The following TAF2 variants were observed in gnomAD, a reference collection of about 807,000 sequenced individuals.
TAF2 encodes TATA-box binding protein associated factor 2.
In TAF2, 61 loss-of-function variants were observed where a neutral mutation model predicts 138.5. The ratio of observed to expected loss-of-function variants is 0.44; its 90% CI spans 0.36 to 0.54. TAF2 has a LOEUF of 0.54. TAF2 is among the 20% of genes least tolerant of loss of function. The pLI is 0.00. For synonymous variants in TAF2, 475 were observed against 469.9 expected (o/e 1.01, Z -0.14); for missense variants, 1,090 against 1,427.9 (o/e 0.76, Z 3.81).
At chr8:119,817,032 A>G (rs1418205030) in intron 3 of TAF2, among the ~76,000 whole-genome samples, 4 of 152,246 alleles carry the variant, frequency 2.6e-5, no homozygotes, top group East Asian at 1.9e-4. Flanking sequence ...TCTAAAGCTA[A>G]GCAAAAAAGC....
intron 18 of TAF2, among the ~76,000 whole-genome samples, chr8:119,769,083 G>C (rs1474476507): frequency 3.3e-5 from 5 of 152,124 alleles, no homozygotes; most frequent in Non-Finnish European, 7.4e-5. Context: ...ACCCCCGTCA[G>C]GGCTGAAACA....
At chr8:119,755,817 GAGTAA>G (rs879563937) in intron 22 of TAF2, among the ~76,000 whole-genome samples, 184 bp downstream of exon 22, 3 of 151,936 alleles carry the variant, frequency 2.0e-5, no homozygotes, top group Non-Finnish European at 4.4e-5. Flanking sequence ...CCACACTATG[GAGTAA>G]AGTGAGTATA....
chr8:119,808,426 T>C (rs1316706864), intron 3 of TAF2, among the ~76,000 whole-genome samples: 1 of 152,202 alleles, frequency 6.6e-6, no homozygotes, highest in Non-Finnish European at 1.5e-5. Flanking sequence ...TACTTCCTTC[T>C]CTAAACCCCT....
At chr8:119,774,615 G>A (rs944526563) in intron 18 of TAF2, among the ~76,000 whole-genome samples, 11 of 151,892 alleles carry the variant, frequency 7.2e-5, no homozygotes, top group African/African-American at 1.5e-4. Context: ...TGATTTACAC[G>A]GAGAAAATTT....
In TAF2 at chr8:119,832,362, G is replaced by A. The variant is rs181896119; in HGVS notation, c.83+120C>T. The A allele has an allele frequency of 5.4e-4, 466 of 860,026 alleles. 3 individuals carry two copies. In the African/African-American group the frequency reaches 6.0e-3, roughly 11 times the overall value. 53.3% of individuals were successfully genotyped at this position (860,026 alleles called of 1,614,324 possible). On this transcript the variant is annotated intron_variant, in intron 1 of 25. Coordinates refer to ENST00000378164, the MANE Select transcript of TAF2 (RefSeq NM_003184.4). Reference sequence around the variant, plus strand: ...TTACAAACACCATTTCCATCACAGTGAGTAAATTCTAGTTTCCCACTAGGT... The same window carrying A: ...TTACAAACACCATTTCCATCACAGTAAGTAAATTCTAGTTTCCCACTAGGT...
intron 5 of TAF2, among the ~76,000 whole-genome samples, chr8:119,803,276 C>G (rs1814053940): frequency 6.6e-6 from 1 of 152,098 alleles, no homozygotes; most frequent in Non-Finnish European, 1.5e-5. Flanking sequence ...GCTTTACATT[C>G]TGTGCAATTT....
At chr8:119,825,748 G>A (rs891243139) in intron 2 of TAF2, among the ~76,000 whole-genome samples, 2 of 152,040 alleles carry the variant, frequency 1.3e-5, no homozygotes, top group East Asian at 1.9e-4. Context: ...GCAGTGGTGC[G>A]ATCTTGGCTC....
At chr8:119,809,774 A>G (rs1824908785) in intron 3 of TAF2, among the ~76,000 whole-genome samples, 1 of 152,198 alleles carries the variant, frequency 6.6e-6, no homozygotes, top group East Asian at 1.9e-4. Flanking sequence ...ATTTAAGTTT[A>G]CCATCTTATA....
chr8:119,818,119 C>G (rs1043549157), intron 3 of TAF2, among the ~76,000 whole-genome samples: 2 of 152,144 alleles, frequency 1.3e-5, no homozygotes, highest in Non-Finnish European at 2.9e-5. Context: ...TAAAAATAAG[C>G]CTCCCTTCTA....
intron 18 of TAF2, among the ~76,000 whole-genome samples, chr8:119,765,895 T>C (rs577825365): frequency 1.3e-5 from 2 of 152,198 alleles, no homozygotes; most frequent in Non-Finnish European, 2.9e-5. Context: ...AACACGCTTT[T>C]TCTTAATAGA....
At chr8:119,792,660 T>C (rs557216916) in intron 10 of TAF2, among the ~76,000 whole-genome samples, 2 of 152,202 alleles carry the variant, frequency 1.3e-5, no homozygotes, top group East Asian at 3.9e-4. Flanking sequence ...AACGCAACAG[T>C]CTTAAGAGGT....
At chr8:119,796,868 T>G (rs1397637042) in intron 8 of TAF2, 122 bp downstream of exon 8, 1 of 720,930 alleles carries the variant, frequency 1.4e-6, no homozygotes, top group African/African-American at 1.8e-5. Flanking sequence ...TAAATACATA[T>G]AGAACAGTGT....
chr8:119,788,239 T>C, intron 14 of TAF2, 99 bp downstream of exon 14: 2 of 1,027,144 alleles, frequency 1.9e-6, no homozygotes, highest in Non-Finnish European at 3.0e-6. Context: ...AAGTATAATT[T>C]AAAAAAAATT....
rs1820029560 is a variant in TAF2 at position 119,747,076 on chromosome 8, A to C, written c.2879-142T>G. The C allele has an allele frequency of 7.3e-6, 6 of 823,708 alleles. No individual in the cohort carries two copies. In the South Asian group the frequency reaches 9.3e-5, roughly 13 times the overall value. 51.0% of individuals were successfully genotyped at this position (823,708 alleles called of 1,614,324 possible). A position where few individuals can be genotyped will look rare whatever the true frequency, so the allele number is the denominator to read the frequency against. On this transcript the variant is annotated intron_variant, in intron 22 of 25. Coordinates refer to ENST00000378164, the MANE Select transcript of TAF2 (RefSeq NM_003184.4). ...TTTCATCTTACAAAATGAATACTAG[A>C]CATCAACCAAAAATCTAACATTCCA...
chr8:119,760,752 T>C lies in TAF2; in HGVS notation c.2559-14A>G, dbSNP rs951746345. ...GCTCTCAAACAACTAGGGAAAAAAA[T>C]ACGTATGTTAACTACTTTCACTGAG... On this transcript the variant is annotated splice_polypyrimidine_tract_variant and intron_variant, in intron 19 of 25. Coordinates refer to ENST00000378164, the MANE Select transcript of TAF2 (RefSeq NM_003184.4). The C allele has an allele frequency of 6.2e-7, 1 of 1,613,598 alleles. No homozygotes were observed. The highest frequency in any genetic ancestry group is 1.3e-5 in the African/African-American group (1 of 75,020).
intron 16 of TAF2, among the ~76,000 whole-genome samples, chr8:119,782,340 C>A (rs941763487): frequency 6.6e-6 from 1 of 152,058 alleles, no homozygotes; most frequent in African/African-American, 2.4e-5. Flanking sequence ...TATGATTAAA[C>A]AACATATTCT....
Position 119,793,463 on chromosome 8 carries a change from A to G in TAF2, c.1192-12T>C. Reference sequence around the variant, plus strand: ...ATTTTGTCTAGCTCCTAAAAAATATATAAAAATAGGAGTCAGTAAAATTTG... The same window carrying G: ...ATTTTGTCTAGCTCCTAAAAAATATGTAAAAATAGGAGTCAGTAAAATTTG... On this transcript the variant is annotated splice_polypyrimidine_tract_variant and intron_variant, in intron 9 of 25. Transcript: ENST00000378164. 3 of 1,600,690 alleles carry G rather than the reference A, an allele frequency of 1.9e-6. No individual in the cohort carries two copies. Among genetic ancestry groups the G allele is most frequent in the Non-Finnish European group, 2.6e-6 (3 of 1,169,154 alleles).
chr8:119,779,941 T>C (rs1280659077), intron 17 of TAF2, among the ~76,000 whole-genome samples: 1 of 152,238 alleles, frequency 6.6e-6, no homozygotes, highest in Non-Finnish European at 1.5e-5. Flanking sequence ...ACTGGCTCTT[T>C]TCCCTGTGTC....
intron 4 of TAF2, 25 bp downstream of exon 4, chr8:119,806,258 A>C: frequency 6.4e-7 from 1 of 1,570,376 alleles, no homozygotes; most frequent in Non-Finnish European, 8.8e-7. Context: ...TTTAGTGTAC[A>C]GTCAATATAC....
Sources: allele counts gnomAD v4.1 joint callset (sites outside exome capture counted in the v4.1 genomes callset), GRCh38; gene constraint gnomAD v4.1.1; transcripts MANE v1.5; gene names NCBI Gene and HGNC (gene_info 2026-07-23, HGNC 2026-07-21).